KIAA1217: variants seen among roughly 807,000 people sequenced by gnomAD.
KIAA1217 encodes KIAA1217.
KIAA1217 carries 88 observed loss-of-function variants against 163.9 expected under a neutral mutation model. The ratio of observed to expected loss-of-function variants is 0.54; its 90% confidence interval spans 0.45 to 0.64. The LOEUF (loss-of-function observed/expected upper bound fraction) is 0.64. Ranked by LOEUF, KIAA1217 falls within the 30% of genes least tolerant of loss-of-function variation. The pLI is 0.00. For synonymous variants in KIAA1217, 903 were observed against 923.1 expected (o/e 0.98, Z 0.39); for missense variants, 2,372 against 2,475.0 (o/e 0.96, Z 0.88).
chr10:23,771,489 T>C (rs1834791288), intron 1 of KIAA1217, among the ~76,000 whole-genome samples: 1 of 152,236 alleles, frequency 6.6e-6, no homozygotes. Context: ...CTGGTAAGTC[T>C]TGATGCTATT....
chr10:23,804,061 A>G (rs7898597), intron 1 of KIAA1217, among the ~76,000 whole-genome samples: 6,003 of 152,334 alleles, frequency 0.039, 156 homozygotes, highest in South Asian at 0.081. Flanking sequence ...CAGACAAAAT[A>G]TAGGCGTATG....
At chr10:23,791,604 A>G (rs1284708670) in intron 1 of KIAA1217, among the ~76,000 whole-genome samples, 2 of 152,208 alleles carry the variant, frequency 1.3e-5, no homozygotes, top group African/African-American at 2.4e-5. Context: ...TTTATAGTTT[A>G]AGTACCGCTT....
At chr10:24,382,910 T>C (rs1183527008) in intron 3 of KIAA1217, among the ~76,000 whole-genome samples, 3 of 148,360 alleles carry the variant, frequency 2.0e-5, no homozygotes, top group African/African-American at 7.4e-5. Flanking sequence ...TGCAATGGCA[T>C]GATCATGATT....
At chr10:23,752,295 T>C (rs1027046008) in intron 1 of KIAA1217, among the ~76,000 whole-genome samples, 1 of 152,232 alleles carries the variant, frequency 6.6e-6, no homozygotes, top group Admixed American at 6.5e-5. Flanking sequence ...TGTCTCTTTT[T>C]GTTTTGGTTC....
intron 2 of KIAA1217, among the ~76,000 whole-genome samples, chr10:24,124,602 C>T (rs2063400798): frequency 1.3e-5 from 2 of 152,096 alleles, no homozygotes; most frequent in Admixed American, 1.3e-4. Context: ...AGGTTAATAG[C>T]TTCCCTCTAT....
intron 2 of KIAA1217, among the ~76,000 whole-genome samples, chr10:24,071,812 T>C (rs1407341752): frequency 1.3e-5 from 2 of 151,798 alleles, no homozygotes; most frequent in Non-Finnish European, 2.9e-5. Context: ...ATAAAGTGAG[T>C]GTTGAAGATA....
At chr10:24,087,388 A>G (rs2061734944) in intron 2 of KIAA1217, among the ~76,000 whole-genome samples, 1 of 152,160 alleles carries the variant, frequency 6.6e-6, no homozygotes, top group Non-Finnish European at 1.5e-5. Context: ...CTGCAACCAT[A>G]TGTACGGTGT....
intron 1 of KIAA1217, among the ~76,000 whole-genome samples, chr10:23,780,254 G>T (rs1295497906): frequency 2.6e-5 from 4 of 152,124 alleles, no homozygotes; most frequent in Admixed American, 1.3e-4. Flanking sequence ...GTCTCTCATA[G>T]TTATACTTTT....
chr10:23,782,451 A>G (rs577880475), intron 1 of KIAA1217, among the ~76,000 whole-genome samples: 2 of 152,316 alleles, frequency 1.3e-5, no homozygotes, highest in Admixed American at 1.3e-4. Context: ...ATTTATTTAG[A>G]GACAGAGTCT....
chr10:23,724,955 C>T (rs1232003897), intron 1 of KIAA1217, among the ~76,000 whole-genome samples: 1 of 152,138 alleles, frequency 6.6e-6, no homozygotes, highest in Non-Finnish European at 1.5e-5. Context: ...CCCTCCCAGT[C>T]CAAGCCTGCC....
At chr10:23,887,766 A>G (rs1161258674) in intron 1 of KIAA1217, among the ~76,000 whole-genome samples, 1 of 151,878 alleles carries the variant, frequency 6.6e-6, no homozygotes, top group African/African-American at 2.4e-5. Flanking sequence ...TTCCCCCAAG[A>G]TGGATTGCAG....
intron 1 of KIAA1217, among the ~76,000 whole-genome samples, chr10:24,003,693 C>T (rs1014730825): frequency 6.6e-6 from 1 of 152,162 alleles, no homozygotes; most frequent in African/African-American, 2.4e-5. Context: ...AAATACTGCG[C>T]TATCACAGGA....
chr10:23,806,511 T>C (rs866013246), intron 1 of KIAA1217, among the ~76,000 whole-genome samples: 17 of 152,226 alleles, frequency 1.1e-4, no homozygotes, highest in African/African-American at 3.1e-4. Flanking sequence ...TACATTCATC[T>C]GTCTTGCTAA....
chr10:24,118,340 A>C (rs529637608), intron 2 of KIAA1217, among the ~76,000 whole-genome samples: 1 of 152,094 alleles, frequency 6.6e-6, no homozygotes, highest in Non-Finnish European at 1.5e-5. Context: ...AGGATGACAG[A>C]GTTCTCTGTA....
At chr10:24,494,695 G>A (rs550878878) in intron 7 of KIAA1217, 91 bp downstream of exon 7, 1 of 949,556 alleles carries the variant, frequency 1.1e-6, no homozygotes, top group Non-Finnish European at 1.6e-6. Context: ...CTGTTTTCTT[G>A]TAATCATTTC....
chr10:24,017,044 T>TG (rs1344508595), intron 2 of KIAA1217, among the ~76,000 whole-genome samples: 1 of 146,814 alleles, frequency 6.8e-6, no homozygotes, highest in African/African-American at 2.6e-5. Flanking sequence ...TTTTTTGTTT[T>TG]TTTTTTTTTT....
chr10:24,000,804 G>T (rs1283639032), intron 1 of KIAA1217, among the ~76,000 whole-genome samples: 1 of 152,206 alleles, frequency 6.6e-6, no homozygotes, highest in African/African-American at 2.4e-5. Context: ...TACAAATTGG[G>T]GCTTCACCCC....
intron 2 of KIAA1217, among the ~76,000 whole-genome samples, chr10:24,379,779 G>T (rs2053038208): frequency 6.9e-6 from 1 of 145,010 alleles, no homozygotes. Context: ...GGCCGGGCAT[G>T]GTAGCTCGCA....
chr10:23,904,321 T>G (rs566293449), intron 1 of KIAA1217, among the ~76,000 whole-genome samples: 50 of 152,290 alleles, frequency 3.3e-4, no homozygotes, highest in Non-Finnish European at 5.4e-4. Flanking sequence ...TATGCATATG[T>G]AACATGATTT....
Sources: allele counts gnomAD v4.1 joint callset (sites outside exome capture counted in the v4.1 genomes callset), GRCh38; gene constraint gnomAD v4.1.1; transcripts MANE v1.5; gene names NCBI Gene and HGNC (gene_info 2026-07-23, HGNC 2026-07-21).